PITPNC1: variants seen among roughly 807,000 people sequenced by gnomAD.
The protein encoded by PITPNC1 is phosphatidylinositol transfer protein cytoplasmic 1, also known as cytoplasmic phosphatidylinositol transfer protein 1.
In PITPNC1, 18 loss-of-function variants were observed where a neutral mutation model predicts 44.7. The ratio of observed to expected loss-of-function variants is 0.40; its 90% CI spans 0.28 to 0.60. The LOEUF (loss-of-function observed/expected upper bound fraction) is 0.60. Ranked by LOEUF, PITPNC1 falls within the 20% of genes least tolerant of loss-of-function variation. PITPNC1 has a pLI of 0.39. For synonymous variants in PITPNC1, 141 were observed against 149.6 expected (o/e 0.94, Z 0.42); for missense variants, 290 against 418.4 (o/e 0.69, Z 2.68).
rs143432684 is a variant in PITPNC1, at chr17:67,411,192, A to G, written c.48+32990A>G. Among the ~76,000 whole-genome samples the G allele has an allele frequency of 2.9e-3, 445 of 152,244 alleles. 3 individuals are homozygous for G. The highest frequency in any genetic ancestry group is 0.01 in the African/African-American group (430 of 41,532). ...TAGCATACAGTGGTTATGCTAAGAC[A>G]GAATCCTGCCCATAATGATGAGACA... On this transcript the variant is annotated intron_variant, in intron 1 of 8. Coordinates refer to ENST00000581322, the MANE Select transcript of PITPNC1 (RefSeq NM_012417.4).
chr17:67,559,176 G>A (rs890709506), intron 4 of PITPNC1, among the ~76,000 whole-genome samples: 5 of 152,022 alleles, frequency 3.3e-5, no homozygotes, highest in African/African-American at 4.8e-5. Flanking sequence ...TTTCTTCCCC[G>A]CACCTTCCCC....
At chr17:67,642,615 AG>A (rs1466723272) in intron 6 of PITPNC1, among the ~76,000 whole-genome samples, 1 of 152,200 alleles carries the variant, frequency 6.6e-6, no homozygotes, top group African/African-American at 2.4e-5. Flanking sequence ...TCACTTCCCA[AG>A]GAACAATGAG....
chr17:67,493,109 ATC>A (rs1332057671), intron 1 of PITPNC1, among the ~76,000 whole-genome samples: 1 of 152,228 alleles, frequency 6.6e-6, no homozygotes, highest in Non-Finnish European at 1.5e-5. Context: ...CCGATTTGGA[ATC>A]TCTGTGTGAA....
At chr17:67,426,926 C>T (rs1343946783) in intron 1 of PITPNC1, among the ~76,000 whole-genome samples, 1 of 152,036 alleles carries the variant, frequency 6.6e-6, no homozygotes, top group Non-Finnish European at 1.5e-5. Context: ...GCTTGAATTC[C>T]TGTTTACTCT....
In PITPNC1 at chr17:67,377,868, C is replaced by G; in HGVS notation, c.-287C>G. 1 of 372,084 alleles carries G rather than the reference C, an allele frequency of 2.7e-6. No individual in the cohort carries two copies. Among genetic ancestry groups the G allele is most frequent in the Non-Finnish European group, 4.8e-6 (1 of 209,584 alleles). The allele number at this position is 372,084 out of a possible 1,614,324, so 23.0% of individuals were successfully genotyped here. A position where few individuals can be genotyped will look rare whatever the true frequency, so the allele number is the denominator to read the frequency against. ...CCTGGGCAGCCGAGCAGAGTCGTCCCCAGCGGGTCTCCCTCCCTGCCTCCC... is the reference window on the plus strand; with the variant it reads ...CCTGGGCAGCCGAGCAGAGTCGTCCGCAGCGGGTCTCCCTCCCTGCCTCCC... On this transcript the variant is annotated 5_prime_UTR_variant, in exon 1 of 9. Transcript: ENST00000581322.
intron 7 of PITPNC1, among the ~76,000 whole-genome samples, chr17:67,672,221 A>G (rs890261100): frequency 5.3e-5 from 8 of 152,030 alleles, no homozygotes; most frequent in Non-Finnish European, 1.0e-4. Flanking sequence ...GTCGTGAGCC[A>G]CCATGCCCGG....
chr17:67,612,613 C>A (rs1234552059), intron 5 of PITPNC1: 1 of 152,154 alleles, frequency 6.6e-6, no homozygotes, highest in Non-Finnish European at 1.5e-5. Flanking sequence ...TTGAAGAAAG[C>A]TTCCTAGCAT....
Position 67,695,930 on chromosome 17 carries a change from A to C in PITPNC1, c.*3042A>C, listed in dbSNP as rs1415491420. On this transcript the variant is annotated 3_prime_UTR_variant, in exon 9 of 9. Transcript: ENST00000581322. ...TTGTTAGAAATCACCTCTGAAGATC[A>C]TTTCATTTTCTCACTTTGGGTTGTT... is the stretch of plus-strand genomic sequence containing the variant. 6.6e-6 allele frequency: 1 copy of C among 152,178 alleles called. No individual in the cohort carries two copies. Among genetic ancestry groups the C allele is most frequent in the Non-Finnish European group, 1.5e-5 (1 of 68,026 alleles). 9.4% of individuals were successfully genotyped at this position (152,178 alleles called of 1,614,324 possible). A position where few individuals can be genotyped will look rare whatever the true frequency, so the allele number is the denominator to read the frequency against.
intron 1 of PITPNC1, among the ~76,000 whole-genome samples, chr17:67,491,180 G>A (rs1472972023): frequency 1.3e-5 from 2 of 152,378 alleles, no homozygotes; most frequent in East Asian, 3.9e-4. Flanking sequence ...GCCCCATAGT[G>A]TGTGGCCATC....
chr17:67,447,106 A>AAAAG (rs1337175146), intron 1 of PITPNC1, among the ~76,000 whole-genome samples: 1 of 150,294 alleles, frequency 6.7e-6, no homozygotes, highest in Non-Finnish European at 1.5e-5. Context: ...AAAAAAAAAA[A>AAAAG]AAAAAAAAAA....
At chr17:67,420,009 A>G (rs1174994675) in intron 1 of PITPNC1, among the ~76,000 whole-genome samples, 2 of 152,274 alleles carry the variant, frequency 1.3e-5, no homozygotes, top group South Asian at 2.1e-4. Context: ...CAAAGTTATC[A>G]GAGACAAATC....
At chr17:67,656,708 T>C (rs2042272571) in intron 6 of PITPNC1, among the ~76,000 whole-genome samples, 1 of 152,098 alleles carries the variant, frequency 6.6e-6, no homozygotes, top group South Asian at 2.1e-4. Flanking sequence ...ACCTTGAAAC[T>C]TGCCTGTGGA....
intron 6 of PITPNC1, among the ~76,000 whole-genome samples, chr17:67,649,096 G>A (rs1450671536): frequency 6.6e-6 from 1 of 152,208 alleles, no homozygotes; most frequent in Non-Finnish European, 1.5e-5. Flanking sequence ...CAAGGCTGCA[G>A]TGAGCCATGA....
At chr17:67,617,698 G>T (rs2041777852) in intron 5 of PITPNC1, among the ~76,000 whole-genome samples, 1 of 152,146 alleles carries the variant, frequency 6.6e-6, no homozygotes, top group East Asian at 1.9e-4. Flanking sequence ...GGTGGCTCCA[G>T]GCGTTTCTTG....
intron 1 of PITPNC1, among the ~76,000 whole-genome samples, chr17:67,461,045 T>C (rs899840559): frequency 9.9e-5 from 15 of 152,136 alleles, no homozygotes; most frequent in African/African-American, 3.4e-4. Context: ...GCCCGGCCAG[T>C]GTGACCAAAA....
chr17:67,661,773 C>T (rs535006217), intron 6 of PITPNC1, among the ~76,000 whole-genome samples: 77 of 152,176 alleles, frequency 5.1e-4, no homozygotes, highest in Middle Eastern at 3.4e-3. Context: ...CCGAGGCAAG[C>T]GGATCACGAG....
chr17:67,415,735 T>G (rs2143854105), intron 1 of PITPNC1, among the ~76,000 whole-genome samples: 1 of 152,300 alleles, frequency 6.6e-6, no homozygotes, highest in Admixed American at 6.5e-5. Context: ...ACCCAGAAAC[T>G]CATTCTAATT....
chr17:67,690,832 C>T (rs938114930), intron 8 of PITPNC1, among the ~76,000 whole-genome samples: 5 of 151,984 alleles, frequency 3.3e-5, no homozygotes, highest in Non-Finnish European at 7.4e-5. Flanking sequence ...AGGCTGGGCA[C>T]GGTGGCTCAG....
At chr17:67,437,216 A>C (rs2038950525) in intron 1 of PITPNC1, among the ~76,000 whole-genome samples, 1 of 151,860 alleles carries the variant, frequency 6.6e-6, no homozygotes, top group African/African-American at 2.4e-5. Context: ...CACTGCACCT[A>C]GCCGGCAGTA....
Sources: gnomAD v4.1 joint callset for allele counts (sites outside exome capture counted in the v4.1 genomes callset) on GRCh38, gnomAD v4.1.1 for gene constraint, MANE v1.5 for transcripts, NCBI Gene and HGNC (gene_info 2026-07-23, HGNC 2026-07-21) for gene names.